Variants in GALNT4 observed in about 807,000 individuals in gnomAD.
GALNT4 encodes polypeptide N-acetylgalactosaminyltransferase 4.
Under a neutral mutation model 45.1 loss-of-function variants are expected in GALNT4, and 23 were observed. The observed-to-expected ratio is 0.51, with a 90% CI of 0.37 to 0.72. The LOEUF is 0.72. Ranked by LOEUF, GALNT4 falls within the 30% of genes least tolerant of loss-of-function variation. The pLI is 0.00. For synonymous variants in GALNT4, 264 were observed against 257.6 expected, an observed-to-expected ratio of 1.02 and a Z score of -0.24; for missense variants, 757 against 709.0, an observed-to-expected ratio of 1.07 and a Z score of -0.77.
chr12:89,524,060 C>T lies in GALNT4; in HGVS notation c.490G>A (p.Ala164Thr). 2 of 1,613,628 alleles carry T rather than the reference C, an allele frequency of 1.2e-6. No homozygotes were observed. Among genetic ancestry groups the T allele is most frequent in the South Asian group, 1.1e-5 (1 of 91,004 alleles). The change falls in exon 1 of 1, where the codon GCA becomes ACA. Residue 164 changes from alanine to threonine, a missense_variant. Coordinates refer to ENST00000529983, the MANE Select transcript of GALNT4 (RefSeq NM_003774.5). ...TIHSVLETSP[A>T]VLLKEIILVD... ...AAGATGATCTCTTTCAAAAGAACTG[C>T]AGGAGAAGTTTCTAAAACACTGTGA... is the stretch of plus-strand genomic sequence containing the variant.
chr12:89,520,655 T>C lies in GALNT4; in HGVS notation c.*2158A>G, dbSNP rs1162266920. On this transcript the variant is annotated 3_prime_UTR_variant, in exon 1 of 1. Coordinates refer to ENST00000529983, the MANE Select transcript of GALNT4 (RefSeq NM_003774.5). ...GAGGCAAAAGAGAAAATATTCAAGATTGCATAGCAATTTTATTTTTTGAAA... is the reference window on the plus strand; with the variant it reads ...GAGGCAAAAGAGAAAATATTCAAGACTGCATAGCAATTTTATTTTTTGAAA... 6.6e-6 allele frequency: 1 copy of C among 152,216 alleles called. No homozygotes were observed. Among genetic ancestry groups the C allele is most frequent in the Admixed American group, 6.5e-5 (1 of 15,284 alleles). The allele number at this position is 152,216 out of a possible 1,614,324, so 9.4% of individuals were successfully genotyped here.
In GALNT4 at chr12:89,523,243, T is replaced by C. The variant is rs745624494; in HGVS notation, c.1307A>G (p.His436Arg). 3.7e-6 allele frequency: 6 copies of C among 1,613,920 alleles called. No individual in the cohort carries two copies. Among genetic ancestry groups the C allele is most frequent in the East Asian group, 4.5e-5 (2 of 44,904 alleles). Residue 436 changes from histidine (H) to arginine (R), a missense_variant, in exon 1 of 1, where the codon CAT becomes CGT. Coordinates refer to ENST00000529983, the MANE Select transcript of GALNT4 (RefSeq NM_003774.5). ...WYLKNVFPNLHVPEDRPGWHG... is the reference protein window; with the variant it reads ...WYLKNVFPNLRVPEDRPGWHG... ...CCAGCCTGGTCTATCCTCTGGAACATGTAAATTAGGAAAAACGTTTTTCAA... is the reference window on the plus strand; with the variant it reads ...CCAGCCTGGTCTATCCTCTGGAACACGTAAATTAGGAAAAACGTTTTTCAA...
rs1870870772 is a variant in GALNT4 at position 89,521,508 on chromosome 12, TAA to T, written c.*1303_*1304del. ...ATTACCTATGTCAAAAGTGAAAAGA[TAA>T]AAAGTATTGTAAAGATTGCACAGTG... On this transcript the variant is annotated 3_prime_UTR_variant, in exon 1 of 1. Transcript: ENST00000529983. The T allele has an allele frequency of 6.5e-6, 1 of 152,674 alleles. No individual in the cohort carries two copies. The highest frequency in any genetic ancestry group is 1.5e-5 in the Non-Finnish European group (1 of 68,382). The allele number at this position is 152,674 out of a possible 1,614,324, so 9.5% of individuals were successfully genotyped here.
Position 89,524,113 on chromosome 12 carries a change from T to G in GALNT4, c.437A>C (p.Glu146Ala). The G allele has an allele frequency of 6.2e-7, 1 of 1,614,040 alleles. No homozygotes were observed. The highest frequency in any genetic ancestry group is 8.5e-7 in the Non-Finnish European group (1 of 1,179,894). The change falls in exon 1 of 1, where the codon GAA (glutamate) becomes GCA (alanine). Residue 146 changes from glutamate to alanine, a missense_variant. Coordinates refer to ENST00000529983, the MANE Select transcript of GALNT4 (RefSeq NM_003774.5). Reference protein sequence around the residue: ...TTSVIIAFYNEAWSTLLRTIH... With the variant: ...TTSVIIAFYNAAWSTLLRTIH... ...GGTACGGAGCAAAGTCGACCAGGCT[T>G]CGTTATAGAAAGCAATGATAACAGA...
At position 89,523,492 on chromosome 12, in the gene GALNT4, T is replaced by G. The variant is rs1871113335; in HGVS notation, c.1058A>C (p.Glu353Ala). ...FRVWQCGGKLEIHPCSHVGHV... is the reference protein window; with the variant it reads ...FRVWQCGGKLAIHPCSHVGHV... ...GCCCACGTGGGAACACGGGTGGATCTCCAATTTGCCACCACACTGCCACAC... is the reference window on the plus strand; with the variant it reads ...GCCCACGTGGGAACACGGGTGGATCGCCAATTTGCCACCACACTGCCACAC... The change falls in exon 1 of 1, where the codon GAG becomes GCG. Residue 353 changes from glutamate to alanine, a missense_variant. Physicochemically the swap from Glu to Ala is moderately radical, Grantham distance 107. Transcript: ENST00000529983. The G allele has an allele frequency of 6.2e-7, 1 of 1,611,994 alleles. No homozygotes were observed. Among genetic ancestry groups the G allele is most frequent in the Non-Finnish European group, 8.5e-7 (1 of 1,179,178 alleles).
At position 89,523,742 on chromosome 12, in the gene GALNT4, T is replaced by A; in HGVS notation, c.808A>T (p.Ile270Leu). ...AACCCACCAATCATGGGCTCCCCTATCTGCATATAGAATTCAAAAGTATTC... is the reference window on the plus strand; with the variant it reads ...AACCCACCAATCATGGGCTCCCCTAACTGCATATAGAATTCAAAAGTATTC... The part of the protein sequence containing the change: ...DWNTFEFYMQ[I>L]GEPMIGGFDW... The change falls in exon 1 of 1, where the codon ATA (isoleucine) becomes TTA (leucine). Residue 270 changes from isoleucine (I) to leucine (L), a missense_variant. By Grantham distance (5) the Ile-to-Leu change is conservative (BLOSUM62 2). Transcript: ENST00000529983. The A allele has an allele frequency of 6.5e-7, 1 of 1,544,032 alleles. No individual in the cohort carries two copies. The highest frequency in any genetic ancestry group is 8.7e-7 in the Non-Finnish European group (1 of 1,152,854).
chr12:89,523,529 G>A lies in GALNT4; in HGVS notation c.1021C>T (p.Leu341=), dbSNP rs367829873. 1.4e-5 allele frequency: 22 copies of A among 1,605,460 alleles called. No individual in the cohort carries two copies. Among genetic ancestry groups the A allele is most frequent in the Middle Eastern group, 1.7e-4 (1 of 6,012 alleles). The change falls in exon 1 of 1, where the codon CTG becomes TTG. Residue 341 remains leucine, a synonymous_variant. Coordinates refer to ENST00000529983, the MANE Select transcript of GALNT4 (RefSeq NM_003774.5). ...CCACACTGCCACACCCTAAAAGACA[G>A]CTCAAGGTTTTCACCTCCCCACACT... ...MEVWGGENLE[L]SFRVWQCGGK...
At position 89,523,688 on chromosome 12, in the gene GALNT4, A is replaced by C. The variant is rs375918484; in HGVS notation, c.862T>G (p.Ser288Ala). 1 of 1,542,116 alleles carries C rather than the reference A, an allele frequency of 6.5e-7. No homozygotes were observed. Reference sequence around the variant, plus strand: ...CTGTCCCTTTCCTGTTTGGGGACAGAATGCCACTGAAATGTTAAACGCCAG... The same window carrying C: ...CTGTCCCTTTCCTGTTTGGGGACAGCATGCCACTGAAATGTTAAACGCCAG... Reference protein sequence around the residue: ...FDWRLTFQWHSVPKQERDRRI... With the variant: ...FDWRLTFQWHAVPKQERDRRI... The change falls in exon 1 of 1, where the codon TCT becomes GCT. Residue 288 changes from serine (S) to alanine (A), a missense_variant. By Grantham distance (99) the Ser-to-Ala change is moderately conservative. Coordinates refer to ENST00000529983, the MANE Select transcript of GALNT4 (RefSeq NM_003774.5).
Position 89,522,792 on chromosome 12 carries a change from T to C in GALNT4, c.*21A>G. 1.9e-6 allele frequency: 3 copies of C among 1,543,534 alleles called. No homozygotes were observed. The highest frequency in any genetic ancestry group is 2.6e-6 in the Non-Finnish European group (3 of 1,148,698). Reference sequence around the variant, plus strand: ...CTTTCTTGACACTACTGTCAGCTCATGACGAAAGTGCTGTTGTGCTCTATT... The same window carrying C: ...CTTTCTTGACACTACTGTCAGCTCACGACGAAAGTGCTGTTGTGCTCTATT... On this transcript the variant is annotated 3_prime_UTR_variant, in exon 1 of 1. Transcript: ENST00000529983.
chr12:89,522,734 A>G lies in GALNT4; in HGVS notation c.*79T>C. The G allele has an allele frequency of 6.7e-7, 1 of 1,495,910 alleles. No individual in the cohort carries two copies. Among genetic ancestry groups the G allele is most frequent in the Non-Finnish European group, 8.9e-7 (1 of 1,123,888 alleles). 92.7% of individuals were successfully genotyped at this position (1,495,910 alleles called of 1,614,324 possible). ...TAGGTGGCTTTTGATAAAATAAAAT[A>G]CAATCTTCACTGAGGCTCTTAAGGC... On this transcript the variant is annotated 3_prime_UTR_variant, in exon 1 of 1. Transcript: ENST00000529983.
rs1870992573 is a variant in GALNT4, at chr12:89,522,767, C to T, written c.*46G>A. 1 of 1,521,656 alleles carries T rather than the reference C, an allele frequency of 6.6e-7. No homozygotes were observed. The highest frequency in any genetic ancestry group is 2.3e-5 in the Admixed American group (1 of 43,668). The allele number at this position is 1,521,656 out of a possible 1,614,324, so 94.3% of individuals were successfully genotyped here. A position where few individuals can be genotyped will look rare whatever the true frequency, so the allele number is the denominator to read the frequency against. ...CACTGAGGCTCTTAAGGCTCTTTGACTTTCTTGACACTACTGTCAGCTCAT... is the reference window on the plus strand; with the variant it reads ...CACTGAGGCTCTTAAGGCTCTTTGATTTTCTTGACACTACTGTCAGCTCAT... On this transcript the variant is annotated 3_prime_UTR_variant, in exon 1 of 1. Coordinates refer to ENST00000529983, the MANE Select transcript of GALNT4 (RefSeq NM_003774.5).
chr12:89,524,275 T>A lies in GALNT4; in HGVS notation c.275A>T (p.Gln92Leu), dbSNP rs779700301. 5 of 1,613,926 alleles carry A rather than the reference T, an allele frequency of 3.1e-6. No homozygotes were observed. In the Admixed American group the frequency reaches 5.0e-5, roughly 16 times the overall value. The change falls in exon 1 of 1, where the codon CAG becomes CTG. Residue 92 changes from glutamine (Q) to leucine (L), a missense_variant. Coordinates refer to ENST00000529983, the MANE Select transcript of GALNT4 (RefSeq NM_003774.5). ...KLQLNEDELK[Q>L]QEELIERYAI... ...GTATCTCTCAATGAGTTCTTCTTGC[T>A]GCTTCAGTTCATCCTCGTTGAGCTG...
Position 89,520,098 on chromosome 12 carries a change from AC to A in GALNT4, c.*2714del, listed in dbSNP as rs1760259654. The stretch of plus-strand genomic sequence containing the variant: ...CTAAATATGAAAATGTGAAAGTCCC[AC>A]TTTTCTGTTATGTACTCTATTATGA... On this transcript the variant is annotated 3_prime_UTR_variant, in exon 1 of 1. Transcript: ENST00000529983. 6.6e-6 allele frequency: 1 copy of A among 152,132 alleles called. No individual in the cohort carries two copies. The highest frequency in any genetic ancestry group is 2.4e-5 in the African/African-American group (1 of 41,428). The allele number at this position is 152,132 out of a possible 1,614,324, so 9.4% of individuals were successfully genotyped here.
At position 89,523,422 on chromosome 12, in the gene GALNT4, T is replaced by A. The variant is rs372420331; in HGVS notation, c.1128A>T (p.Leu376=). The part of the protein sequence containing the change: ...KRAPYARPNF[L]QNTARAAEVW... ...CTTCTGCTGCCCGAGCAGTATTCTG[T>A]AGGAAATTGGGGCGAGCATATGGTG... The change falls in exon 1 of 1, where the codon CTA becomes CTT. Residue 376 remains leucine (L), a synonymous_variant. Transcript: ENST00000529983. 7 of 1,613,916 alleles carry A rather than the reference T, an allele frequency of 4.3e-6. No individual in the cohort carries two copies. Among genetic ancestry groups the A allele is most frequent in the Non-Finnish European group, 5.9e-6 (7 of 1,179,908 alleles).
Position 89,522,563 on chromosome 12 carries a change from G to T in GALNT4, c.*250C>A. 1 of 378,710 alleles carries T rather than the reference G, an allele frequency of 2.6e-6. No individual in the cohort carries two copies. The highest frequency in any genetic ancestry group is 4.6e-6 in the Non-Finnish European group (1 of 216,342). The allele number at this position is 378,710 out of a possible 1,614,324, so 23.5% of individuals were successfully genotyped here. A position where few individuals can be genotyped will look rare whatever the true frequency, so the allele number is the denominator to read the frequency against. On this transcript the variant is annotated 3_prime_UTR_variant, in exon 1 of 1. Transcript: ENST00000529983. ...TCAATTCATAGTCAACTTCTTTTAA[G>T]AAGAGACCATATTGACAAAACTCTT...
chr12:89,523,701 T>C lies in GALNT4; in HGVS notation c.849A>G (p.Thr283=), dbSNP rs774383343. The C allele has an allele frequency of 1.9e-6, 3 of 1,544,010 alleles. No homozygotes were observed. The Admixed American group carries it at 6.5e-5, about 34-fold the overall frequency. ...PMIGGFDWRL[T]FQWHSVPKQE... is the part of the protein sequence containing the mutation. ...GTTTGGGGACAGAATGCCACTGAAA[T>C]GTTAAACGCCAGTCAAACCCACCAA... The change falls in exon 1 of 1, where the codon ACA becomes ACG. Residue 283 remains threonine, a synonymous_variant. Transcript: ENST00000529983.
Position 89,523,252 on chromosome 12 carries a change from G to A in GALNT4, c.1298C>T (p.Pro433Leu), listed in dbSNP as rs1197294455. The change falls in exon 1 of 1, where the codon CCT (proline) becomes CTT (leucine). Residue 433 changes from proline (P) to leucine (L), a missense_variant. Coordinates refer to ENST00000529983, the MANE Select transcript of GALNT4 (RefSeq NM_003774.5). ...TCTATCCTCTGGAACATGTAAATTAGGAAAAACGTTTTTCAAATACCAGTC... is the reference window on the plus strand; with the variant it reads ...TCTATCCTCTGGAACATGTAAATTAAGAAAAACGTTTTTCAAATACCAGTC... ...SFDWYLKNVFPNLHVPEDRPG... is the reference protein window; with the variant it reads ...SFDWYLKNVFLNLHVPEDRPG... 1.9e-6 allele frequency: 3 copies of A among 1,613,942 alleles called. No individual in the cohort carries two copies. The highest frequency in any genetic ancestry group is 1.3e-5 in the African/African-American group (1 of 75,036).
At position 89,523,973 on chromosome 12, in the gene GALNT4, G is replaced by C; in HGVS notation, c.577C>G (p.Leu193Val). The change falls in exon 1 of 1, where the codon CTT becomes GTT. Residue 193 changes from leucine to valine, a missense_variant. By Grantham distance (32) the Leu-to-Val change is conservative. Transcript: ENST00000529983. ...GTCCTAATCAAGCGTACTCTATCAAGATTGCTGATGTAAGTTTCAAGTTGT... is the reference window on the plus strand; with the variant it reads ...GTCCTAATCAAGCGTACTCTATCAACATTGCTGATGTAAGTTTCAAGTTGT... Reference protein sequence around the residue: ...KTQLETYISNLDRVRLIRTNK... With the variant: ...KTQLETYISNVDRVRLIRTNK... The C allele has an allele frequency of 6.2e-7, 1 of 1,613,852 alleles. No individual in the cohort carries two copies. Among genetic ancestry groups the C allele is most frequent in the Non-Finnish European group, 8.5e-7 (1 of 1,179,850 alleles).
rs544532033 is a variant in GALNT4, at chr12:89,521,608, C to T, written c.*1205G>A. ...AAGGGATCTTTAAGATCCAATCCAGCACCCACATTTTACCAATGAGAAAAC... is the reference window on the plus strand; with the variant it reads ...AAGGGATCTTTAAGATCCAATCCAGTACCCACATTTTACCAATGAGAAAAC... On this transcript the variant is annotated 3_prime_UTR_variant, in exon 1 of 1. Transcript: ENST00000529983. The T allele has an allele frequency of 6.0e-6, 1 of 166,440 alleles. No individual in the cohort carries two copies. The highest frequency in any genetic ancestry group is 1.3e-5 in the Non-Finnish European group (1 of 77,806). 10.3% of individuals were successfully genotyped at this position (166,440 alleles called of 1,614,324 possible).
Sources: allele counts gnomAD v4.1 joint callset, GRCh38; gene constraint gnomAD v4.1.1; transcripts MANE v1.5; gene names NCBI Gene and HGNC (gene_info 2026-07-23, HGNC 2026-07-21).